TMEM132D: variants seen among roughly 807,000 people sequenced by gnomAD.
TMEM132D encodes mature OL transmembrane protein.
In TMEM132D, 21 loss-of-function variants were observed where a neutral mutation model predicts 62.3. The ratio of observed to expected loss-of-function variants is 0.34; its 90% CI spans 0.24 to 0.49. TMEM132D has a LOEUF of 0.49. TMEM132D is among the 20% of genes least tolerant of loss of function. The pLI, the probability that TMEM132D is intolerant of heterozygous loss-of-function variation, is 0.99. For synonymous variants in TMEM132D, 621 were observed against 575.6 expected, an observed-to-expected ratio of 1.08 and a Z score of -1.13; for missense variants, 1,346 against 1,402.8, an observed-to-expected ratio of 0.96 and a Z score of 0.65.
chr12:129,646,418 A>G (rs553007217), intron 2 of TMEM132D, among the ~76,000 whole-genome samples: 1 of 152,294 alleles, frequency 6.6e-6, no homozygotes, highest in East Asian at 1.9e-4. Context: ...TCTCCCAGCC[A>G]TTGCATCAGC....
intron 2 of TMEM132D, among the ~76,000 whole-genome samples, chr12:129,629,176 T>A (rs1438494780): frequency 6.6e-6 from 1 of 152,122 alleles, no homozygotes; most frequent in East Asian, 1.9e-4. Context: ...GGATATTCCC[T>A]CCTATCCCCT....
intron 3 of TMEM132D, among the ~76,000 whole-genome samples, chr12:129,384,573 C>T (rs1342224561): frequency 9.9e-5 from 15 of 151,730 alleles, no homozygotes; most frequent in Middle Eastern, 3.2e-3. Flanking sequence ...ACTTTAACCA[C>T]GTTCGCATTA....
At chr12:129,542,668 CAGTT>C (rs1316532877) in intron 2 of TMEM132D, among the ~76,000 whole-genome samples, 4 of 152,106 alleles carry the variant, frequency 2.6e-5, no homozygotes, top group African/African-American at 9.7e-5. Flanking sequence ...GCTGTACACA[CAGTT>C]ATACTACATA....
intron 1 of TMEM132D, among the ~76,000 whole-genome samples, chr12:129,799,660 T>C (rs1488158059): frequency 6.6e-6 from 1 of 152,138 alleles, no homozygotes; most frequent in Non-Finnish European, 1.5e-5. Context: ...CTTCACTTAT[T>C]CTCATGATCT....
chr12:129,813,611 G>GATAGATATATATATAT (rs1555233394), intron 1 of TMEM132D, among the ~76,000 whole-genome samples: 1 of 136,612 alleles, frequency 7.3e-6, no homozygotes, highest in African/African-American at 2.6e-5. Context: ...CAGAAAATGT[G>GATAGATATATATATAT]ATATATATAT....
chr12:129,855,065 G>C (rs897250142), intron 1 of TMEM132D: 3 of 152,712 alleles, frequency 2.0e-5, no homozygotes, highest in Non-Finnish European at 2.9e-5. Context: ...TCAGGGAACA[G>C]AGTCCGGGGA....
At chr12:129,115,697 G>A (rs1051479556) in intron 5 of TMEM132D, among the ~76,000 whole-genome samples, 3 of 152,202 alleles carry the variant, frequency 2.0e-5, no homozygotes, top group Admixed American at 6.5e-5. Flanking sequence ...GGGCAGTCAC[G>A]ACAAGTAAGC....
intron 3 of TMEM132D, among the ~76,000 whole-genome samples, chr12:129,426,532 G>A (rs542398964): frequency 6.6e-6 from 1 of 152,126 alleles, no homozygotes; most frequent in Non-Finnish European, 1.5e-5. Flanking sequence ...GGCTCCAAAG[G>A]TCCTAGAACT....
intron 4 of TMEM132D, among the ~76,000 whole-genome samples, chr12:129,222,927 ACT>A (rs1360571287): frequency 2.0e-5 from 3 of 152,254 alleles, no homozygotes; most frequent in East Asian, 3.9e-4. Flanking sequence ...AAAAAAGGTA[ACT>A]CTGGGAACTA....
At chr12:129,155,764 T>G (rs904674705) in intron 5 of TMEM132D, among the ~76,000 whole-genome samples, 1 of 152,124 alleles carries the variant, frequency 6.6e-6, no homozygotes, top group Non-Finnish European at 1.5e-5. Flanking sequence ...ACTCCCAAGA[T>G]AGCTAACACA....
chr12:129,531,186 C>G lies in TMEM132D; in HGVS notation c.988G>C (p.Val330Leu). 2 of 1,612,112 alleles carry G rather than the reference C, an allele frequency of 1.2e-6. No individual in the cohort carries two copies. The highest frequency in any genetic ancestry group is 1.7e-6 in the Non-Finnish European group (2 of 1,179,536). ...CTGGCTCGCACGCCGATGATGTTCA[C>G]GCCTTTCTTCACCTTTGCCCTGTTG... is the stretch of plus-strand genomic sequence containing the variant. ...FTLRAKVKKG[V>L]NIIGVRASSP... The change falls in exon 3 of 9, where the codon GTG becomes CTG. Residue 330 changes from valine (V) to leucine (L), a missense_variant. Val to Leu is a conservative substitution (Grantham distance 32, BLOSUM62 1). Coordinates refer to ENST00000422113, the MANE Select transcript of TMEM132D (RefSeq NM_133448.3).
chr12:129,401,568 T>TAA (rs921334151), intron 3 of TMEM132D, among the ~76,000 whole-genome samples: 2 of 150,268 alleles, frequency 1.3e-5, no homozygotes, highest in African/African-American at 4.9e-5. Flanking sequence ...GACGCTGCCT[T>TAA]AAAAAAAAAG....
At chr12:129,300,335 C>T (rs1566026067) in intron 4 of TMEM132D, among the ~76,000 whole-genome samples, 3 of 152,156 alleles carry the variant, frequency 2.0e-5, no homozygotes, top group South Asian at 2.1e-4. Flanking sequence ...GGAACGTCAT[C>T]AATCTATTGA....
intron 3 of TMEM132D, among the ~76,000 whole-genome samples, chr12:129,341,201 T>G (rs1869468825): frequency 6.6e-6 from 1 of 152,246 alleles, no homozygotes; most frequent in South Asian, 2.1e-4. Flanking sequence ...TTTGTGTGTC[T>G]GACAGATGGT....
rs1593181438 is a variant in TMEM132D, at chr12:129,837,341, A to C, written c.79+65920T>G. On this transcript the variant is annotated intron_variant, in intron 1 of 8. Transcript: ENST00000422113. ...AAATACCAAAACTAAACACAGGTCC[A>C]CGGTGCTATTTACAAGGCAGAGAGT... Among the ~76,000 whole-genome samples the C allele has an allele frequency of 3.3e-5, 5 of 152,362 alleles. 1 individual carries two copies. The highest frequency in any genetic ancestry group is 3.3e-4 in the Admixed American group (5 of 15,304).
chr12:129,177,148 A>G (rs941290965), intron 5 of TMEM132D, among the ~76,000 whole-genome samples: 1 of 152,242 alleles, frequency 6.6e-6, no homozygotes, highest in African/African-American at 2.4e-5. Context: ...GAAAATATTT[A>G]TAAGTGGAAT....
chr12:129,167,703 G>A (rs1877606327), intron 5 of TMEM132D, among the ~76,000 whole-genome samples: 1 of 151,832 alleles, frequency 6.6e-6, no homozygotes, highest in Non-Finnish European at 1.5e-5. Context: ...ATACAGCTTA[G>A]ATCTAGAGTA....
At position 129,513,851 on chromosome 12, in the gene TMEM132D, T is replaced by TA. The variant is rs1426204608; in HGVS notation, c.1115+17207_1115+17208insT. 4.2e-3 allele frequency among the ~76,000 whole-genome samples: 591 copies of TA among 141,800 alleles called. 13 individuals carry two copies. In the South Asian group the frequency reaches 0.045, roughly 11 times the overall value. 93.0% of individuals were successfully genotyped at this position (141,800 alleles called of 152,430 possible). A position where few individuals can be genotyped will look rare whatever the true frequency, so the allele number is the denominator to read the frequency against. ...TTATTTATTTATTTATTTATTTATT[T>TA]TTTTGAGACGGAGTCTCGCTCTGTC... On this transcript the variant is annotated intron_variant, in intron 3 of 8. Transcript: ENST00000422113.
intron 3 of TMEM132D, among the ~76,000 whole-genome samples, chr12:129,497,033 C>A (rs539517086): frequency 2.0e-5 from 3 of 152,126 alleles, no homozygotes; most frequent in Non-Finnish European, 4.4e-5. Flanking sequence ...GCTGGCCGGG[C>A]GCAGTGGCTC....
Sources: allele counts gnomAD v4.1 joint callset (sites outside exome capture counted in the v4.1 genomes callset), GRCh38; gene constraint gnomAD v4.1.1; transcripts MANE v1.5; gene names NCBI Gene and HGNC (gene_info 2026-07-23, HGNC 2026-07-21).